LAMA2: variants seen among roughly 807,000 people sequenced by gnomAD.
LAMA2 encodes the protein laminin subunit alpha 2, also known as laminin subunit alpha-2.
Under a neutral mutation model 364.8 loss-of-function variants are expected in LAMA2, and 269 were observed. That is an observed-to-expected ratio of 0.74 (90% CI 0.67 to 0.82). The LOEUF (loss-of-function observed/expected upper bound fraction) is 0.82. Ranked by LOEUF, LAMA2 falls within the 40% of genes least tolerant of loss-of-function variation. LAMA2 has a pLI of 0.00. For missense variants in LAMA2, 3,807 were observed against 3,873.2 expected, an observed-to-expected ratio of 0.98 and a Z score of 0.45; for synonymous variants, 1,379 against 1,370.6, an observed-to-expected ratio of 1.01 and a Z score of -0.14.
intron 37 of LAMA2, among the ~76,000 whole-genome samples, chr6:129,393,539 A>G (rs1371031844): frequency 2.0e-5 from 3 of 152,240 alleles, no homozygotes; most frequent in Non-Finnish European, 4.4e-5. Context: ...AGTTCTTTAC[A>G]GGGAGTCAGG....
chr6:129,361,531 C>T (rs986677498), intron 32 of LAMA2, among the ~76,000 whole-genome samples: 1 of 152,232 alleles, frequency 6.6e-6, no homozygotes, highest in Admixed American at 6.5e-5. Flanking sequence ...CAGATGGCCT[C>T]AAGCCCAAAT....
intron 34 of LAMA2, among the ~76,000 whole-genome samples, chr6:129,379,418 T>G (rs1778555804): frequency 6.6e-6 from 1 of 152,110 alleles, no homozygotes; most frequent in African/African-American, 2.4e-5. Flanking sequence ...CAAGTAATTC[T>G]GAGGTACAGA....
At position 129,192,850 on chromosome 6, in the gene LAMA2, C is replaced by T. The variant is rs753472202; in HGVS notation, c.1779C>T (p.Asn593=). The T allele has an allele frequency of 1.9e-6, 3 of 1,613,756 alleles. No individual in the cohort carries two copies. The African/African-American group carries it at 4.0e-5, about 22-fold the overall frequency. Residue 593 remains asparagine, a synonymous_variant, in exon 12 of 65, where the codon AAC becomes AAT. Coordinates refer to ENST00000421865, the MANE Select transcript of LAMA2 (RefSeq NM_000426.4). ...YWSAPAPYLG[N]KLPAVGGQLT... ...GCGCGCCGGCTCCCTATCTGGGAAA[C>T]AAAGTAAGTCCACGCTTGCTTCCCG...
At chr6:128,892,106 A>G (rs1266948564) in intron 1 of LAMA2, among the ~76,000 whole-genome samples, 1 of 152,086 alleles carries the variant, frequency 6.6e-6, no homozygotes, top group Non-Finnish European at 1.5e-5. Flanking sequence ...AAACTAAAAA[A>G]AAAGATTTGC....
intron 8 of LAMA2, among the ~76,000 whole-genome samples, chr6:129,159,615 C>G (rs1413181573): frequency 6.6e-6 from 1 of 152,226 alleles, no homozygotes; most frequent in Non-Finnish European, 1.5e-5. Context: ...AGGCTTACTT[C>G]TTCCTTTGCA....
chr6:129,437,250 A>G (rs554634309), intron 41 of LAMA2, among the ~76,000 whole-genome samples: 1 of 152,196 alleles, frequency 6.6e-6, no homozygotes, highest in African/African-American at 2.4e-5. Flanking sequence ...AATTTACTCA[A>G]CTTCTCTAAG....
intron 37 of LAMA2, among the ~76,000 whole-genome samples, chr6:129,397,605 A>G (rs1209476166): frequency 6.6e-6 from 1 of 152,164 alleles, no homozygotes; most frequent in Non-Finnish European, 1.5e-5. Context: ...GTTCAAAGCT[A>G]GAACCCATCA....
rs528326177 is a variant in LAMA2 at position 129,160,440 on chromosome 6, C to T, written c.1207-5136C>T. On this transcript the variant is annotated intron_variant, in intron 8 of 64. Coordinates refer to ENST00000421865, the MANE Select transcript of LAMA2 (RefSeq NM_000426.4). ...TCTATAGCATCTATATAGATATCCC[C>T]TGTGTAATTTTTAAAATGATTAAGT... Among the ~76,000 whole-genome samples, 14 of 152,124 alleles carry T rather than the reference C, an allele frequency of 9.2e-5. No homozygotes were observed. In the South Asian group the frequency reaches 2.7e-3, roughly 29 times the overall value.
At chr6:129,440,183 A>G (rs1782035791) in intron 42 of LAMA2, among the ~76,000 whole-genome samples, 2 of 152,124 alleles carry the variant, frequency 1.3e-5, no homozygotes, top group African/African-American at 2.4e-5. Context: ...GTAGTCATCT[A>G]TAGGTACAAT....
chr6:128,984,951 G>A (rs573021380), intron 1 of LAMA2, among the ~76,000 whole-genome samples: 13 of 152,048 alleles, frequency 8.5e-5, no homozygotes, highest in Non-Finnish European at 1.6e-4. Context: ...TTGCTCTTCC[G>A]TGTGGATTTT....
At chr6:129,367,717 T>C (rs1188653474) in intron 33 of LAMA2, among the ~76,000 whole-genome samples, 2 of 152,220 alleles carry the variant, frequency 1.3e-5, no homozygotes, top group East Asian at 1.9e-4. Flanking sequence ...AAACCAATAA[T>C]GATGATAACA....
At position 129,330,598 on chromosome 6, in the gene LAMA2, GT is replaced by G. The variant is rs1554273762; in HGVS notation, c.4311+2203del. On this transcript the variant is annotated intron_variant, in intron 29 of 64. Coordinates refer to ENST00000421865, the MANE Select transcript of LAMA2 (RefSeq NM_000426.4). ...GTTTTTTTGTTGTTGTTTGGTTTTT[GT>G]TTTTTTTTTTTTTTTTCCCACTGTG... Among the ~76,000 whole-genome samples, 562 of 88,664 alleles carry G rather than the reference GT, an allele frequency of 6.3e-3. 8 individuals carry two copies. The highest frequency in any genetic ancestry group is 0.02 in the African/African-American group (503 of 25,502). 58.2% of individuals were successfully genotyped at this position (88,664 alleles called of 152,430 possible). A position where few individuals can be genotyped will look rare whatever the true frequency, so the allele number is the denominator to read the frequency against.
At chr6:129,416,717 C>T (rs193081740) in intron 40 of LAMA2, among the ~76,000 whole-genome samples, 396 of 151,926 alleles carry the variant, frequency 2.6e-3, no homozygotes, top group Non-Finnish European at 4.5e-3. Context: ...GGGCACATTC[C>T]GCCCACTCAG....
chr6:129,473,572 G>A (rs1783921938), intron 52 of LAMA2, among the ~76,000 whole-genome samples: 1 of 152,032 alleles, frequency 6.6e-6, no homozygotes, highest in Non-Finnish European at 1.5e-5. Context: ...TGGAGTCGCT[G>A]TTTCCTTTAT....
intron 4 of LAMA2, among the ~76,000 whole-genome samples, chr6:129,114,682 C>T (rs898866047): frequency 5.3e-5 from 8 of 151,956 alleles, no homozygotes; most frequent in South Asian, 2.1e-4. Context: ...AGTTGAAAGA[C>T]GCTACTGTTT....
At chr6:129,485,675 T>TA (rs1784552966) in intron 55 of LAMA2, among the ~76,000 whole-genome samples, 2 of 152,212 alleles carry the variant, frequency 1.3e-5, no homozygotes, top group Admixed American at 1.3e-4. Flanking sequence ...GGTGAGCACT[T>TA]ATCCAGATCC....
At chr6:129,432,522 T>C (rs1781647064) in intron 41 of LAMA2, among the ~76,000 whole-genome samples, 1 of 152,172 alleles carries the variant, frequency 6.6e-6, no homozygotes, top group African/African-American at 2.4e-5. Context: ...GGCTTTGTTG[T>C]GTGTTCAGAA....
intron 20 of LAMA2, among the ~76,000 whole-genome samples, chr6:129,295,282 G>GTTTA (rs1773094699): frequency 1.2e-4 from 7 of 59,440 alleles, no homozygotes; most frequent in Middle Eastern, 8.6e-3. Flanking sequence ...ATTTGTAAAG[G>GTTTA]GTTTAGAATT....
In LAMA2 at chr6:129,153,958, CA is replaced by C. The variant is rs200853530; in HGVS notation, c.1028-543del. 4.1e-3 allele frequency among the ~76,000 whole-genome samples: 626 copies of C among 152,172 alleles called. 8 individuals carry two copies. Among genetic ancestry groups the C allele is most frequent in the African/African-American group, 0.013 (529 of 41,508 alleles). On this transcript the variant is annotated intron_variant, in intron 7 of 64. Coordinates refer to ENST00000421865, the MANE Select transcript of LAMA2 (RefSeq NM_000426.4). ...GAACCATATAAAATTGCACGTTAGT[CA>C]AAACCAAATATTGGCAATTGCATAT... is the stretch of plus-strand genomic sequence containing the variant.
Sources: allele counts gnomAD v4.1 joint callset (sites outside exome capture counted in the v4.1 genomes callset), GRCh38; gene constraint gnomAD v4.1.1; transcripts MANE v1.5; gene names NCBI Gene and HGNC (gene_info 2026-07-23, HGNC 2026-07-21).